Variants in ZNF565 observed in about 807,000 individuals in gnomAD.
ZNF565 encodes zinc finger protein 565.
Under a neutral mutation model 39.4 loss-of-function variants are expected in ZNF565, and 27 were observed. The observed-to-expected ratio is 0.69, with a 90% CI of 0.51 to 0.95. The LOEUF (loss-of-function observed/expected upper bound fraction) is 0.95. Among genes scored for constraint, ZNF565 ranks in the 40% least tolerant of loss-of-function variants. The pLI is 0.00. For missense variants in ZNF565, 524 were observed against 621.1 expected (o/e 0.84, Z 1.66); for synonymous variants, 185 against 216.6 (o/e 0.85, Z 1.28).
At chr19:36,217,048 T>C (rs2438515), upstream of ZNF565, among the ~76,000 whole-genome samples, 2 of 139,262 alleles carry the variant, frequency 1.4e-5, no homozygotes, top group Admixed American at 7.7e-5. Flanking sequence ...GGACAGCCAG[T>C]CCCTGTCTTT....
chr19:36,197,774 C>T (rs8110475), intron 2 of ZNF565, among the ~76,000 whole-genome samples: 147,262 of 152,250 alleles, frequency 0.97, 71,529 homozygotes, highest in Non-Finnish European at 0.99. Context: ...TGCAGAACAA[C>T]TTGGAGGTTC....
chr19:36,189,481 AT>A (rs1017419914), intron 4 of ZNF565, among the ~76,000 whole-genome samples: 442 of 143,574 alleles, frequency 3.1e-3, no homozygotes, highest in African/African-American at 8.7e-3. Flanking sequence ...TGCCCGGCTA[AT>A]TTTTTTTTTT....
At chr19:36,189,613 T>C (rs1220662831) in intron 4 of ZNF565, among the ~76,000 whole-genome samples, 1 of 151,788 alleles carries the variant, frequency 6.6e-6, no homozygotes, top group Non-Finnish European at 1.5e-5. Flanking sequence ...TGAGCCACTG[T>C]ACCCGGCCCC....
At chr19:36,209,304 T>C (rs538750091) in intron 1 of ZNF565, among the ~76,000 whole-genome samples, 1 of 151,992 alleles carries the variant, frequency 6.6e-6, no homozygotes, top group South Asian at 2.1e-4. Context: ...GCCGAGGCGG[T>C]TGGCAACTTA....
chr19:36,243,916 G>T (rs768586448), intron 1 of ZNF565, among the ~76,000 whole-genome samples: 6 of 152,122 alleles, frequency 3.9e-5, no homozygotes, highest in Non-Finnish European at 5.9e-5. Context: ...TGCCCAGGCT[G>T]ATTTCAAACT....
intron 4 of ZNF565, among the ~76,000 whole-genome samples, chr19:36,191,950 G>T (rs936031042): frequency 6.6e-6 from 1 of 152,010 alleles, no homozygotes; most frequent in Non-Finnish European, 1.5e-5. Context: ...AAACTTCACA[G>T]GGGAGAAACA....
rs1568429093 is a variant in ZNF565, at chr19:36,220,360, TAA to T, written c.56-18312_56-18311del. 2.4e-3 allele frequency among the ~76,000 whole-genome samples: 345 copies of T among 146,566 alleles called. 8 individuals are homozygous for T. Among genetic ancestry groups the T allele is most frequent in the Middle Eastern group, 3.6e-3 (1 of 274 alleles). On this transcript the variant is annotated intron_variant, in intron 1 of 4. Transcript: ENST00000355114. ...TTTCTTAGCTCCTAGTTCTTTTTTT[TAA>T]TTTAATTTTATTTTATTTTTGAGAC...
In ZNF565 at chr19:36,191,009, A is replaced by AC. The variant is rs796940862; in HGVS notation, c.232+3223_232+3224insG. ...TCTGTCTCAAAAAAAAAAAAAAAAA[A>AC]ACACATAAAAACAAACTTTTTCTGT... On this transcript the variant is annotated intron_variant, in intron 4 of 4. Transcript: ENST00000304116. 5.0e-4 allele frequency among the ~76,000 whole-genome samples: 74 copies of AC among 147,516 alleles called. 1 individual carries two copies. The highest frequency in any genetic ancestry group is 3.5e-3 in the Middle Eastern group (1 of 284).
At chr19:36,187,246 T>C (rs1975335246) in intron 4 of ZNF565, among the ~76,000 whole-genome samples, 1 of 151,894 alleles carries the variant, frequency 6.6e-6, no homozygotes, top group Non-Finnish European at 1.5e-5. Context: ...TTAAGCAGGG[T>C]AGCTCTATAA....
At chr19:36,206,163 T>A (rs1976144495) in intron 1 of ZNF565, among the ~76,000 whole-genome samples, 1 of 152,076 alleles carries the variant, frequency 6.6e-6, no homozygotes, top group Non-Finnish European at 1.5e-5. Context: ...GGACTCGTCA[T>A]GTTGGCCAGG....
intron 2 of ZNF565, 152 bp downstream of exon 2, chr19:36,201,825 G>A: frequency 1.2e-6 from 1 of 825,486 alleles, no homozygotes; most frequent in South Asian, 1.6e-5. Context: ...GGAGAGGAGA[G>A]GGCCACCGAG....
At chr19:36,214,239 A>T (rs550817764) in intron 1 of ZNF565, among the ~76,000 whole-genome samples, 1 of 152,222 alleles carries the variant, frequency 6.6e-6, no homozygotes, top group South Asian at 2.1e-4. Context: ...ACACGGCCAC[A>T]GTGTCACACA....
Position 36,245,413 on chromosome 19 carries a change from C to A in ZNF565, c.55+63G>T. ...TGCGACCCGGAAAGCTCCGCGCTTA[C>A]GACGCCCACCCAGAAAATCCGGATC... is the stretch of plus-strand genomic sequence containing the variant. On this transcript the variant is annotated intron_variant, in intron 1 of 4. Coordinates refer to the ZNF565 transcript ENST00000355114. This position sits in a 1 kb window ranked among gnomAD's most constrained non-coding sequence, Gnocchi z 4.4. The A allele has an allele frequency of 7.1e-6, 5 of 701,198 alleles. No homozygotes were observed. In the East Asian group the frequency reaches 1.1e-4, roughly 15 times the overall value. The allele number at this position is 701,198 out of a possible 1,614,324, so 43.4% of individuals were successfully genotyped here. A position where few individuals can be genotyped will look rare whatever the true frequency, so the allele number is the denominator to read the frequency against.
At position 36,245,350 on chromosome 19, in the gene ZNF565, A is replaced by C. The variant is rs1366723477; in HGVS notation, c.55+126T>G. ...CCGAGGGGCTGCTGCCGGACATTCT[A>C]GGGTCTGATCTGGCGGGCTCGAAGG... On this transcript the variant is annotated intron_variant, in intron 1 of 4. Transcript: ENST00000355114. This position sits in a 1 kb window ranked among gnomAD's most constrained non-coding sequence, Gnocchi z 4.4. 7.5e-6 allele frequency: 5 copies of C among 665,254 alleles called. No homozygotes were observed. The highest frequency in any genetic ancestry group is 1.4e-5 in the Non-Finnish European group (5 of 366,890). 41.2% of individuals were successfully genotyped at this position (665,254 alleles called of 1,614,324 possible).
chr19:36,218,277 G>T (rs1267351684), upstream of ZNF565: 1 of 151,938 alleles, frequency 6.6e-6, no homozygotes, highest in African/African-American at 2.4e-5. Context: ...GGGTGGTTGT[G>T]TAGCTCCAGA....
chr19:36,188,094 C>T (rs540234742), intron 4 of ZNF565, among the ~76,000 whole-genome samples: 13 of 151,752 alleles, frequency 8.6e-5, no homozygotes, highest in African/African-American at 2.7e-4. Context: ...TAGTGGCTCA[C>T]GCCTGTAATC....
chr19:36,195,832 C>G (rs1449070339), intron 2 of ZNF565, among the ~76,000 whole-genome samples: 1 of 150,230 alleles, frequency 6.7e-6, no homozygotes, highest in Admixed American at 6.7e-5. Context: ...GCGTGAGCCC[C>G]GTGCCCAGCC....
intron 4 of ZNF565, among the ~76,000 whole-genome samples, chr19:36,191,202 G>A (rs189514350): frequency 4.0e-5 from 6 of 150,920 alleles, no homozygotes; most frequent in Admixed American, 2.7e-4. Context: ...GCAGTTTGCC[G>A]ACCCCTGGTC....
At chr19:36,223,624 A>T (rs903135856) in intron 1 of ZNF565, among the ~76,000 whole-genome samples, 2 of 151,952 alleles carry the variant, frequency 1.3e-5, no homozygotes, top group Non-Finnish European at 2.9e-5. Context: ...CGGCCCTCCA[A>T]AGTGCTGGGA....
Sources: gnomAD v4.1 joint callset for allele counts (sites outside exome capture counted in the v4.1 genomes callset) on GRCh38, gnomAD v4.1.1 for gene constraint, Gnocchi (gnomAD v3.1) non-coding constraint, MANE v1.5 for transcripts, NCBI Gene and HGNC (gene_info 2026-07-23, HGNC 2026-07-21) for gene names.